Variants in LTN1 observed in about 807,000 individuals in gnomAD.
LTN1 encodes listerin E3 ubiquitin protein ligase 1.
A neutral mutation model predicts 201.2 loss-of-function variants in LTN1; 88 were observed. The ratio of observed to expected loss-of-function variants is 0.44; its 90% CI spans 0.37 to 0.52. LTN1 has a LOEUF of 0.52. Ranked by LOEUF, LTN1 falls within the 20% of genes least tolerant of loss-of-function variation. The probability of loss-of-function intolerance (pLI) is 0.00; values close to 1 mark genes in which losing one functional copy is unlikely to be tolerated. For synonymous variants in LTN1, 645 were observed against 713.5 expected (o/e 0.90, Z 1.53); for missense variants, 1,752 against 2,038.7 (o/e 0.86, Z 2.71).
chr21:28,935,232 A>C lies in LTN1; in HGVS notation c.4752T>G (p.Asn1584Lys). ...TATTGAAAACACGCTTCTCACTGCT[A>C]TTCCACCACAACCTAACCATGGCAG... The part of the protein sequence containing the change: ...DLPAMVRLWW[N>K]SSEKRVFNIV... Residue 1584 changes from asparagine to lysine, a missense_variant, in exon 27 of 30, where the codon AAT becomes AAG. Physicochemically the swap from Asn to Lys is moderately conservative, Grantham distance 94. Coordinates refer to ENST00000361371, the MANE Select transcript of LTN1 (RefSeq NM_015565.3). The C allele has an allele frequency of 6.2e-7, 1 of 1,613,836 alleles. No individual in the cohort carries two copies. Among genetic ancestry groups the C allele is most frequent in the Non-Finnish European group, 8.5e-7 (1 of 1,179,658 alleles).
intron 6 of LTN1, among the ~76,000 whole-genome samples, chr21:28,977,598 C>T (rs1415170336): frequency 1.3e-5 from 2 of 151,858 alleles, no homozygotes; most frequent in East Asian, 1.9e-4. Flanking sequence ...TGGCAGGCGC[C>T]TCTAATCCCA....
Position 28,986,346 on chromosome 21 carries a change from T to C in LTN1, c.247-109A>G. On this transcript the variant is annotated intron_variant, in intron 2 of 29. Transcript: ENST00000361371. The surrounding 1 kb of genome is among the most constrained non-coding windows in gnomAD (Gnocchi z 4.1). The stretch of plus-strand genomic sequence containing the variant: ...TTTATGTAATAGGAGAATACACTAT[T>C]TCTCTTTATGCCATATGAGACTAGT... 1 of 734,126 alleles carries C rather than the reference T, an allele frequency of 1.4e-6. No homozygotes were observed. The highest frequency in any genetic ancestry group is 2.3e-5 in the Admixed American group (1 of 42,948). 45.5% of individuals were successfully genotyped at this position (734,126 alleles called of 1,614,324 possible).
At chr21:28,960,751 ACTCT>A (rs757183409) in intron 11 of LTN1, 45 bp from the exon 12 acceptor site, 9 of 1,324,312 alleles carry the variant, frequency 6.8e-6, no homozygotes, top group Non-Finnish European at 9.7e-6. Context: ...AAGATCAAAT[ACTCT>A]CTCTGTCCAA....
intron 6 of LTN1, among the ~76,000 whole-genome samples, chr21:28,978,979 G>A (rs1430152383): frequency 6.6e-6 from 1 of 152,204 alleles, no homozygotes; most frequent in Non-Finnish European, 1.5e-5. Flanking sequence ...CTGAAGGCTA[G>A]AATACAAGGT....
At chr21:28,973,417 T>C (rs112272355) in intron 6 of LTN1, among the ~76,000 whole-genome samples, 5,502 of 146,124 alleles carry the variant, frequency 0.038, 369 homozygotes, top group African/African-American at 0.13. Context: ...AACAAATATA[T>C]AGGCAAATGT....
chr21:28,940,352 CT>C (rs150317414), intron 25 of LTN1, among the ~76,000 whole-genome samples: 57 of 152,324 alleles, frequency 3.7e-4, no homozygotes, highest in African/African-American at 1.3e-3. Flanking sequence ...TGGACAAGGT[CT>C]TACTTCCTAA....
At chr21:28,968,870 G>A (rs1019502789) in intron 9 of LTN1, among the ~76,000 whole-genome samples, 1 of 151,586 alleles carries the variant, frequency 6.6e-6, no homozygotes, top group African/African-American at 2.4e-5. Context: ...GCCTTCCAAA[G>A]TGCTGGGATT....
chr21:28,944,279 C>T (rs1210165372), intron 22 of LTN1, 104 bp downstream of exon 22: 2 of 810,932 alleles, frequency 2.5e-6, no homozygotes, highest in Non-Finnish European at 4.0e-6. Flanking sequence ...TTTTCTTTTA[C>T]TATTTAGTAT....
chr21:28,978,036 T>C (rs918640468), intron 6 of LTN1, among the ~76,000 whole-genome samples: 2 of 151,784 alleles, frequency 1.3e-5, no homozygotes, highest in East Asian at 3.9e-4. Context: ...TCTGAATGTA[T>C]GATTTTTTTT....
At chr21:28,987,465 C>G (rs2146319487) in intron 1 of LTN1, among the ~76,000 whole-genome samples, 1 of 152,272 alleles carries the variant, frequency 6.6e-6, no homozygotes, top group South Asian at 2.1e-4. Context: ...ATGATAGCTG[C>G]CTCTAGACTG....
chr21:28,963,499 G>GA (rs1043694176), intron 11 of LTN1, among the ~76,000 whole-genome samples: 1 of 152,016 alleles, frequency 6.6e-6, no homozygotes, highest in Non-Finnish European at 1.5e-5. Flanking sequence ...AGGAAAAAAA[G>GA]AAAAAAATTC....
intron 3 of LTN1, among the ~76,000 whole-genome samples, chr21:28,985,840 T>C (rs1465955953): frequency 6.6e-6 from 1 of 152,150 alleles, no homozygotes; most frequent in East Asian, 1.9e-4. Flanking sequence ...TTTGTATTTT[T>C]AGTAGAGACA....
chr21:28,959,572 C>A lies in LTN1; in HGVS notation c.2479G>T (p.Ala827Ser), dbSNP rs1217070649. 1 of 1,613,992 alleles carries A rather than the reference C, an allele frequency of 6.2e-7. No homozygotes were observed. The highest frequency in any genetic ancestry group is 8.5e-7 in the Non-Finnish European group (1 of 1,179,968). ...TTCGCTGAGCTGAAATAGTTATAGG[C>A]CACATCACAGATAAAAGACACTGAT... The part of the protein sequence containing the change: ...DSSVSFICDV[A>S]YNYFSSAKGC... Residue 827 changes from alanine (A) to serine (S), a missense_variant, in exon 13 of 30, where the codon GCC (alanine) becomes TCC (serine). By Grantham distance (99) the Ala-to-Ser change is moderately conservative. Coordinates refer to ENST00000361371, the MANE Select transcript of LTN1 (RefSeq NM_015565.3).
In LTN1 at chr21:28,968,862, CT is replaced by C. The variant is rs999687484; in HGVS notation, c.1311+603del. Among the ~76,000 whole-genome samples, 63 of 151,864 alleles carry C rather than the reference CT, an allele frequency of 4.1e-4. 1 individual carries two copies. The highest frequency in any genetic ancestry group is 1.5e-3 in the African/African-American group (61 of 41,514). Reference sequence around the variant, plus strand: ...CCTCAGGTGATCCACCCACCTCGGCCTTCCAAAGTGCTGGGATTACAGGCGT... The same window carrying C: ...CCTCAGGTGATCCACCCACCTCGGCCTCCAAAGTGCTGGGATTACAGGCGT... On this transcript the variant is annotated intron_variant, in intron 9 of 29. Transcript: ENST00000361371.
Position 28,941,306 on chromosome 21 carries a change from G to T in LTN1, c.4396C>A (p.Pro1466Thr). ...IPVGQIVTIK[P>T]LSEDFCYVLG... Reference sequence around the variant, plus strand: ...ACATAACAGAAGTCTTCACTCAGTGGTTTAATAGTAACTATCTGTCCAACA... The same window carrying T: ...ACATAACAGAAGTCTTCACTCAGTGTTTTAATAGTAACTATCTGTCCAACA... The change falls in exon 25 of 30, where the codon CCA (proline) becomes ACA (threonine). Residue 1466 changes from proline (P) to threonine (T), a missense_variant. By Grantham distance (38) the Pro-to-Thr change is conservative. This residue lies in a region of LTN1 where 1,211 missense variants were observed against 1,312.8 expected (regional missense o/e 0.92). Coordinates refer to ENST00000361371, the MANE Select transcript of LTN1 (RefSeq NM_015565.3). The T allele has an allele frequency of 6.2e-7, 1 of 1,612,886 alleles. No individual in the cohort carries two copies. Among genetic ancestry groups the T allele is most frequent in the Non-Finnish European group, 8.5e-7 (1 of 1,179,050 alleles).
intron 16 of LTN1, 60 bp from the exon 17 acceptor site, chr21:28,953,436 C>CT (rs1448931971): frequency 2.4e-6 from 3 of 1,240,748 alleles, no homozygotes; most frequent in African/African-American, 3.1e-5. Context: ...CCTTCAATTA[C>CT]TTTCACTTCT....
rs1161068336 is a variant in LTN1, at chr21:28,970,658, T to C, written c.1069A>G (p.Thr357Ala). The change falls in exon 8 of 30, where the codon ACT becomes GCT. Residue 357 changes from threonine to alanine, a missense_variant. Thr to Ala is a moderately conservative substitution (Grantham distance 58). Coordinates refer to ENST00000361371, the MANE Select transcript of LTN1 (RefSeq NM_015565.3). Reference sequence around the variant, plus strand: ...GGCAGAAGGTAAGGATATATGACAGTAGCTAGACCCCGACCACCTTCACGA... The same window carrying C: ...GGCAGAAGGTAAGGATATATGACAGCAGCTAGACCCCGACCACCTTCACGA... ...VIREGGRGLATVIYPYLLPFI... is the reference protein window; with the variant it reads ...VIREGGRGLAAVIYPYLLPFI... The C allele has an allele frequency of 6.2e-7, 1 of 1,613,858 alleles. No homozygotes were observed. The highest frequency in any genetic ancestry group is 8.5e-7 in the Non-Finnish European group (1 of 1,179,798).
Position 28,930,360 on chromosome 21 carries a change from G to A in LTN1, c.*88C>T, listed in dbSNP as rs560850039. 6.3e-4 allele frequency: 583 copies of A among 931,630 alleles called. 1 individual carries two copies. The highest frequency in any genetic ancestry group is 9.2e-4 in the Non-Finnish European group (551 of 600,140). The allele number at this position is 931,630 out of a possible 1,614,324, so 57.7% of individuals were successfully genotyped here. A position where few individuals can be genotyped will look rare whatever the true frequency, so the allele number is the denominator to read the frequency against. The stretch of plus-strand genomic sequence containing the variant: ...GTCCTATTTAAAAGTAATGCTCACT[G>A]GCTTCCCCACATCCACACTTTCAGA... On this transcript the variant is annotated 3_prime_UTR_variant, in exon 30 of 30. Coordinates refer to ENST00000361371, the MANE Select transcript of LTN1 (RefSeq NM_015565.3).
chr21:28,980,206 A>G lies in LTN1; in HGVS notation c.810+913T>C, dbSNP rs990747130. On this transcript the variant is annotated intron_variant, in intron 6 of 29. Transcript: ENST00000361371. ...AATGGCCTCCAAGCAGCAGCACTGA[A>G]GTGCTGTCTATTGTATCTAGGCACA... Among the ~76,000 whole-genome samples, 9 of 151,982 alleles carry G rather than the reference A, an allele frequency of 5.9e-5. No homozygotes were observed. The South Asian group carries it at 8.3e-4, about 14-fold the overall frequency.
Sources: allele counts gnomAD v4.1 joint callset (sites outside exome capture counted in the v4.1 genomes callset), GRCh38; gene constraint gnomAD v4.1.1; regional missense constraint gnomAD v4.1.1; non-coding constraint Gnocchi (gnomAD v3.1); transcripts MANE v1.5; gene names NCBI Gene and HGNC (gene_info 2026-07-23, HGNC 2026-07-21).